MYOCD: variants seen among roughly 807,000 people sequenced by gnomAD.
The protein encoded by MYOCD is myocardin.
Under a neutral mutation model 96.1 loss-of-function variants are expected in MYOCD, and 32 were observed. That is an observed-to-expected ratio of 0.33 (90% CI 0.25 to 0.45). MYOCD has a LOEUF of 0.45. Among genes scored for constraint, MYOCD ranks in the 20% least tolerant of loss-of-function variants. MYOCD has a pLI of 1.00. For missense variants in MYOCD, 1,133 were observed against 1,200.6 expected, an observed-to-expected ratio of 0.94 and a Z score of 0.83; for synonymous variants, 469 against 469.0, an observed-to-expected ratio of 1.00 and a Z score of 0.00.
chr17:12,744,102 C>T, intron 7 of MYOCD, 81 bp from the exon 8 acceptor site: 1 of 1,515,464 alleles, frequency 6.6e-7, no homozygotes, highest in Non-Finnish European at 8.9e-7. Flanking sequence ...TCAGACAAAA[C>T]TGCCTCACAA....
chr17:12,757,219 A>G (rs144214713), intron 11 of MYOCD, among the ~76,000 whole-genome samples: 2 of 152,262 alleles, frequency 1.3e-5, no homozygotes, highest in Non-Finnish European at 2.9e-5. Flanking sequence ...GGTATGAAGG[A>G]TCCAGGGTAT....
At chr17:12,704,023 C>G (rs1458548157) in intron 1 of MYOCD, among the ~76,000 whole-genome samples, 1 of 152,020 alleles carries the variant, frequency 6.6e-6, no homozygotes, top group East Asian at 1.9e-4. Flanking sequence ...AACATCTGAC[C>G]CATCTCGAGG....
chr17:12,717,971 T>G (rs1290750528), intron 4 of MYOCD, among the ~76,000 whole-genome samples: 1 of 152,136 alleles, frequency 6.6e-6, no homozygotes, highest in East Asian at 1.9e-4. Context: ...TATTCTGACA[T>G]CTGCATGCAG....
rs147746578 is a variant in MYOCD, at chr17:12,758,537, C to A, written c.2331+324C>A. 2.0e-3 allele frequency among the ~76,000 whole-genome samples: 299 copies of A among 152,296 alleles called. 2 individuals carry two copies. Among genetic ancestry groups the A allele is most frequent in the African/African-American group, 6.8e-3 (284 of 41,574 alleles). ...TTTACTTGGTAAGGATTCTAGATAG[C>A]CTCGCACTTACCACATTGTTCAGGC... On this transcript the variant is annotated intron_variant, in intron 12 of 13. Coordinates refer to ENST00000425538, the MANE Select transcript of MYOCD (RefSeq NM_001146312.3).
At chr17:12,734,504 C>CTTTTTTTTTT (rs3050319) in intron 5 of MYOCD, among the ~76,000 whole-genome samples, 3 of 65,470 alleles carry the variant, frequency 4.6e-5, no homozygotes, top group African/African-American at 6.4e-5. Context: ...ACACATGATC[C>CTTTTTTTTTT]TTTTTTTTTT....
chr17:12,705,867 T>C (rs569363621), intron 2 of MYOCD: 1 of 152,288 alleles, frequency 6.6e-6, no homozygotes, highest in East Asian at 1.9e-4. Flanking sequence ...AATTTAAAAA[T>C]CAAGATCTAT....
intron 2 of MYOCD, among the ~76,000 whole-genome samples, chr17:12,711,246 A>G (rs1258346014): frequency 6.6e-6 from 1 of 152,232 alleles, no homozygotes; most frequent in African/African-American, 2.4e-5. Flanking sequence ...AGAGAAGACA[A>G]ACATGAATAG....
intron 1 of MYOCD, among the ~76,000 whole-genome samples, chr17:12,695,266 C>G (rs866485238): frequency 6.6e-6 from 1 of 152,100 alleles, no homozygotes; most frequent in African/African-American, 2.4e-5. Flanking sequence ...CATAGAAGTC[C>G]GCCTCTCACT....
At chr17:12,746,694 G>A (rs79493821) in intron 9 of MYOCD, among the ~76,000 whole-genome samples, 3,633 of 149,240 alleles carry the variant, frequency 0.024, 51 homozygotes, top group South Asian at 0.043. Context: ...ATTAGTATAG[G>A]TATAAGGAGA....
chr17:12,684,533 T>G (rs1042726253), intron 1 of MYOCD, among the ~76,000 whole-genome samples: 6 of 152,180 alleles, frequency 3.9e-5, no homozygotes, highest in African/African-American at 1.4e-4. Flanking sequence ...CAGGGTCCAT[T>G]GTTCAACAAT....
At chr17:12,715,670 AAC>A (rs2031618478) in intron 3 of MYOCD, 96 bp downstream of exon 3, 1 of 943,658 alleles carries the variant, frequency 1.1e-6, no homozygotes, top group African/African-American at 1.6e-5. Flanking sequence ...TCCTACAACA[AAC>A]ACAATCAATT....
At position 12,752,920 on chromosome 17, in the gene MYOCD, G is replaced by A; in HGVS notation, c.1632G>A (p.Glu544=). 1 of 1,614,126 alleles carries A rather than the reference G, an allele frequency of 6.2e-7. No homozygotes were observed. Among genetic ancestry groups the A allele is most frequent in the Non-Finnish European group, 8.5e-7 (1 of 1,180,036 alleles). ...KLQQEQRQVE[E]LRMQLQKQKR... ...AGCAAGAGCAGAGGCAGGTGGAGGA[G>A]CTGAGGATGCAGCTTCAGAAGCAGA... The change falls in exon 10 of 14, where the codon GAG becomes GAA. Residue 544 remains glutamate (E), a synonymous_variant. Coordinates refer to ENST00000425538, the MANE Select transcript of MYOCD (RefSeq NM_001146312.3).
intron 1 of MYOCD, among the ~76,000 whole-genome samples, chr17:12,688,679 C>A (rs948170973): frequency 8.3e-6 from 1 of 121,184 alleles, no homozygotes; most frequent in African/African-American, 2.8e-5. Flanking sequence ...TCATTCCTTT[C>A]TTCCTTCCTT....
chr17:12,684,354 T>C (rs781116483), intron 1 of MYOCD, among the ~76,000 whole-genome samples: 6 of 152,164 alleles, frequency 3.9e-5, no homozygotes, highest in Non-Finnish European at 8.8e-5. Context: ...GTAGCCCTCT[T>C]TCTACAGGAG....
At chr17:12,741,640 G>C (rs12938872) in intron 7 of MYOCD, among the ~76,000 whole-genome samples, 62,534 of 151,492 alleles carry the variant, frequency 0.41, 13,111 homozygotes, top group East Asian at 0.6. Flanking sequence ...ACCCAGGAGG[G>C]GGTGGTGGCA....
At chr17:12,669,564 T>C (rs1313228415) in intron 1 of MYOCD, among the ~76,000 whole-genome samples, 2 of 152,186 alleles carry the variant, frequency 1.3e-5, no homozygotes, top group African/African-American at 4.8e-5. Context: ...GAAATCCAAA[T>C]TTCACTAGGC....
chr17:12,718,360 C>A (rs748134033), intron 4 of MYOCD, among the ~76,000 whole-genome samples: 2 of 152,072 alleles, frequency 1.3e-5, no homozygotes. Context: ...TGGGCTGGAA[C>A]GTGAGGGCTG....
At chr17:12,716,713 G>A (rs2031651510) in intron 3 of MYOCD, among the ~76,000 whole-genome samples, 1 of 152,138 alleles carries the variant, frequency 6.6e-6, no homozygotes. Flanking sequence ...GGGTGCTGTG[G>A]CTCATGGCTG....
chr17:12,716,985 CAAAAAAAAAAAAAAAAAAAAAAAA>C (rs56992216), intron 3 of MYOCD, among the ~76,000 whole-genome samples: 16 of 112,914 alleles, frequency 1.4e-4, no homozygotes, highest in Admixed American at 1.9e-4. Context: ...GATGCTGTCT[CAAAAAAAAAAAAAAAAAAAAAAAA>C]AAAAAAAAAA....
Sources: allele counts gnomAD v4.1 joint callset (sites outside exome capture counted in the v4.1 genomes callset), GRCh38; gene constraint gnomAD v4.1.1; transcripts MANE v1.5; gene names NCBI Gene and HGNC (gene_info 2026-07-23, HGNC 2026-07-21).